RAMP1: variants seen among roughly 807,000 people sequenced by gnomAD.
RAMP1 encodes receptor activity-modifying protein 1.
A neutral mutation model predicts 8.2 loss-of-function variants in RAMP1; 7 were observed. That is an observed-to-expected ratio of 0.85 (90% CI 0.49 to 1.60). The LOEUF (loss-of-function observed/expected upper bound fraction) is 1.60, where lower values mean the gene tolerates loss of function less well. RAMP1 is among the 40% of genes most tolerant of loss of function. The pLI, the probability that RAMP1 is intolerant of heterozygous loss-of-function variation, is 0.00. For missense variants in RAMP1, 192 were observed against 202.4 expected (o/e 0.95, Z 0.31); for synonymous variants, 92 against 84.7 (o/e 1.09, Z -0.47).
At chr2:237,875,554 G>A (rs528432744) in intron 1 of RAMP1, among the ~76,000 whole-genome samples, 6 of 152,302 alleles carry the variant, frequency 3.9e-5, no homozygotes, top group African/African-American at 1.4e-4. Context: ...CCTGTCCTGA[G>A]CTCCTCCGTG....
chr2:237,906,018 A>AT (rs2062647482), intron 2 of RAMP1, among the ~76,000 whole-genome samples: 1 of 151,632 alleles, frequency 6.6e-6, no homozygotes. Flanking sequence ...CTCAAAAAAA[A>AT]AAAAAAAAAA....
intron 1 of RAMP1, among the ~76,000 whole-genome samples, chr2:237,875,334 C>T (rs751792273): frequency 8.6e-5 from 13 of 151,974 alleles, no homozygotes; most frequent in Non-Finnish European, 1.5e-4. Flanking sequence ...CCTGTGCTGT[C>T]GGGAAGCAGC....
Position 237,871,758 on chromosome 2 carries a change from G to A in RAMP1, c.53-5466G>A, listed in dbSNP as rs145970278. 3.3e-5 allele frequency among the ~76,000 whole-genome samples: 5 copies of A among 152,284 alleles called. No homozygotes were observed. The East Asian group carries it at 7.7e-4, about 24-fold the overall frequency. On this transcript the variant is annotated intron_variant, in intron 1 of 2. Transcript: ENST00000254661. ...GCCACTGCGCTATGTGTTCTAAAATGTATGCAAAAATAGGCTTCTTTAAGC... is the reference window on the plus strand; with the variant it reads ...GCCACTGCGCTATGTGTTCTAAAATATATGCAAAAATAGGCTTCTTTAAGC...
intron 2 of RAMP1, among the ~76,000 whole-genome samples, chr2:237,891,602 C>T (rs962579155): frequency 5.9e-5 from 9 of 152,082 alleles, no homozygotes; most frequent in African/African-American, 2.2e-4. Context: ...TAGCCTGAAT[C>T]ATTTCTGCTT....
chr2:237,870,968 C>A (rs1187623006), intron 1 of RAMP1, among the ~76,000 whole-genome samples: 1 of 152,210 alleles, frequency 6.6e-6, no homozygotes, highest in African/African-American at 2.4e-5. Context: ...GGCTGGAATG[C>A]AGTGCTTTGC....
At chr2:237,909,028 G>A (rs1286464481) in intron 2 of RAMP1, among the ~76,000 whole-genome samples, 2 of 152,146 alleles carry the variant, frequency 1.3e-5, no homozygotes, top group Non-Finnish European at 2.9e-5. Context: ...ATGGATACGG[G>A]GGTGAAGGGG....
At chr2:237,860,077 C>G (rs775456264) in intron 1 of RAMP1, 39 of 187,658 alleles carry the variant, frequency 2.1e-4, no homozygotes, top group Non-Finnish European at 3.7e-4. Flanking sequence ...CAGCCCCGCA[C>G]CTCGTTTCTC....
intron 2 of RAMP1, among the ~76,000 whole-genome samples, chr2:237,899,602 A>G (rs2062578413): frequency 6.6e-6 from 1 of 152,206 alleles, no homozygotes; most frequent in South Asian, 2.1e-4. Flanking sequence ...ATGTGGCTAG[A>G]TGAAGTTTGT....
At chr2:237,899,129 G>A (rs535265660) in intron 2 of RAMP1, among the ~76,000 whole-genome samples, 2 of 151,662 alleles carry the variant, frequency 1.3e-5, no homozygotes, top group South Asian at 2.1e-4. Flanking sequence ...GGAGTGCAGT[G>A]GCATGATCTC....
intron 1 of RAMP1, among the ~76,000 whole-genome samples, chr2:237,872,083 G>C (rs948242251): frequency 6.6e-6 from 1 of 152,218 alleles, no homozygotes; most frequent in South Asian, 2.1e-4. Flanking sequence ...ACCCTCCTGC[G>C]ATGGTATCGT....
In RAMP1 at chr2:237,862,388, C is replaced by T. The variant is rs1053558094; in HGVS notation, c.52+2661C>T. Among the ~76,000 whole-genome samples, 2 of 152,200 alleles carry T rather than the reference C, an allele frequency of 1.3e-5. No homozygotes were observed. The highest frequency in any genetic ancestry group is 2.9e-5 in the Non-Finnish European group (2 of 68,036). On this transcript the variant is annotated intron_variant, in intron 1 of 2. Coordinates refer to ENST00000254661, the MANE Select transcript of RAMP1 (RefSeq NM_005855.4). The surrounding 1 kb of genome is among the most constrained non-coding windows in gnomAD (Gnocchi z 4.0). ...TGGATTTTTGTCTTCCTTCCACAGG[C>T]GCATGCCTGTCAGCGTGCTTATTAC...
At chr2:237,900,162 ATTTGTTTG>A (rs770840233) in intron 2 of RAMP1, among the ~76,000 whole-genome samples, 3 of 150,992 alleles carry the variant, frequency 2.0e-5, no homozygotes, top group Middle Eastern at 3.2e-3. Flanking sequence ...TTTTTTGTTT[ATTTGTTTG>A]TTTGTTTAGG....
At chr2:237,888,211 G>A (rs557228438) in intron 2 of RAMP1, among the ~76,000 whole-genome samples, 8 of 152,120 alleles carry the variant, frequency 5.3e-5, no homozygotes, top group Admixed American at 5.2e-4. Context: ...CTGCCACCAT[G>A]CCTAGCTAAT....
chr2:237,876,358 C>T (rs1266569710), intron 1 of RAMP1, among the ~76,000 whole-genome samples: 3 of 152,142 alleles, frequency 2.0e-5, no homozygotes, highest in Non-Finnish European at 4.4e-5. Context: ...GTGCCCCCAG[C>T]GTCTCCCAGG....
intron 2 of RAMP1, among the ~76,000 whole-genome samples, chr2:237,905,926 G>A (rs1272967135): frequency 1.3e-5 from 2 of 149,892 alleles, no homozygotes; most frequent in South Asian, 2.1e-4. Flanking sequence ...CAGGAGAATC[G>A]CTTGAACCTG....
chr2:237,876,900 G>A (rs528095392), intron 1 of RAMP1, among the ~76,000 whole-genome samples: 1 of 152,158 alleles, frequency 6.6e-6, no homozygotes, highest in Non-Finnish European at 1.5e-5. Context: ...TGGAACAGGG[G>A]CAGCCAGAGA....
intron 2 of RAMP1, among the ~76,000 whole-genome samples, chr2:237,888,524 T>C (rs141996512): frequency 1.7e-4 from 26 of 152,376 alleles, no homozygotes; most frequent in African/African-American, 5.8e-4. Flanking sequence ...AGTTTTAGTT[T>C]GCATGTCTTT....
At chr2:237,861,693 C>CA (rs575944904) in intron 1 of RAMP1, among the ~76,000 whole-genome samples, 5 of 151,482 alleles carry the variant, frequency 3.3e-5, no homozygotes, top group Non-Finnish European at 5.9e-5. Flanking sequence ...ACTAAAAATA[C>CA]AAAAAAAATT....
rs931844481 is a variant in RAMP1 at position 237,862,821 on chromosome 2, C to T, written c.52+3094C>T. Among the ~76,000 whole-genome samples, 3 of 152,080 alleles carry T rather than the reference C, an allele frequency of 2.0e-5. No individual in the cohort carries two copies. Among genetic ancestry groups the T allele is most frequent in the South Asian group, 4.1e-4 (2 of 4,820 alleles). On this transcript the variant is annotated intron_variant, in intron 1 of 2. Coordinates refer to ENST00000254661, the MANE Select transcript of RAMP1 (RefSeq NM_005855.4). This position sits in a 1 kb window ranked among gnomAD's most constrained non-coding sequence, Gnocchi z 4.0. ...AGATGGTCCCAGGGAGGAGACTGGC[C>T]GCAGGCTGGACAGTCAGTGTTCTGC...
Sources: gnomAD v4.1 joint callset for allele counts (sites outside exome capture counted in the v4.1 genomes callset) on GRCh38, gnomAD v4.1.1 for gene constraint, Gnocchi (gnomAD v3.1) non-coding constraint, MANE v1.5 for transcripts, NCBI Gene and HGNC (gene_info 2026-07-23, HGNC 2026-07-21) for gene names.